The following TMED8 variants were observed in gnomAD, a reference collection of about 807,000 sequenced individuals.
The protein encoded by TMED8 is protein TMED8.
A neutral mutation model predicts 32.7 loss-of-function variants in TMED8; 15 were observed. The ratio of observed to expected loss-of-function variants is 0.46; its 90% confidence interval spans 0.31 to 0.71. The LOEUF is 0.71. TMED8 is among the 30% of genes least tolerant of loss of function. The probability of loss-of-function intolerance (pLI) is 0.06; values close to 1 mark genes in which losing one functional copy is unlikely to be tolerated. For synonymous variants in TMED8, 147 were observed against 161.4 expected, an observed-to-expected ratio of 0.91 and a Z score of 0.68; for missense variants, 390 against 423.9, an observed-to-expected ratio of 0.92 and a Z score of 0.70.
At position 77,340,080 on chromosome 14, in the gene TMED8, G is replaced by A. The variant is rs998788316; in HGVS notation, c.*1691C>T. The A allele has an allele frequency of 6.6e-6, 1 of 152,152 alleles. No individual in the cohort carries two copies. The highest frequency in any genetic ancestry group is 2.4e-5 in the African/African-American group (1 of 41,428). 9.4% of individuals were successfully genotyped at this position (152,152 alleles called of 1,614,324 possible). On this transcript the variant is annotated 3_prime_UTR_variant, in exon 6 of 6. Coordinates refer to ENST00000216468, the MANE Select transcript of TMED8 (RefSeq NM_213601.3). ...TCACGGGATATCTCTGATTGGTTAGGGAATTCCTCTGCACTCAATCTCCAG... is the reference window on the plus strand; with the variant it reads ...TCACGGGATATCTCTGATTGGTTAGAGAATTCCTCTGCACTCAATCTCCAG...
At chr14:77,366,565 T>G (rs1893556782) in intron 1 of TMED8, among the ~76,000 whole-genome samples, 1 of 152,206 alleles carries the variant, frequency 6.6e-6, no homozygotes, top group African/African-American at 2.4e-5. Context: ...ATATGGCTTG[T>G]AAAAAGAACT....
intron 1 of TMED8, among the ~76,000 whole-genome samples, chr14:77,363,413 G>A (rs557092398): frequency 6.6e-5 from 10 of 152,250 alleles, no homozygotes; most frequent in African/African-American, 1.7e-4. Flanking sequence ...AGACAAAAGA[G>A]AATGGAAATA....
chr14:77,360,085 G>A (rs1218839596), intron 1 of TMED8, among the ~76,000 whole-genome samples: 1 of 152,076 alleles, frequency 6.6e-6, no homozygotes, highest in Non-Finnish European at 1.5e-5. Flanking sequence ...ACATATAGAT[G>A]GTGAAATGGT....
intron 1 of TMED8, chr14:77,359,691 C>G: frequency 3.5e-6 from 1 of 286,548 alleles, no homozygotes; most frequent in Non-Finnish European, 6.9e-6. Context: ...TGGAGGCAAA[C>G]CATGGTTGTT....
Position 77,340,928 on chromosome 14 carries a change from A to G in TMED8, c.*843T>C, listed in dbSNP as rs532862180. The G allele has an allele frequency of 1.4e-3, 147 of 107,528 alleles. 1 individual carries two copies. Among genetic ancestry groups the G allele is most frequent in the African/African-American group, 4.2e-3 (141 of 33,244 alleles). The allele number at this position is 107,528 out of a possible 1,614,324, so 6.7% of individuals were successfully genotyped here. ...ATGATACCATTCCTTCTTTGATTAT[A>G]CCAAAAAAAAAAAAAAAAGTAACAC... is the stretch of plus-strand genomic sequence containing the variant. On this transcript the variant is annotated 3_prime_UTR_variant, in exon 6 of 6. Transcript: ENST00000216468.
intron 2 of TMED8, among the ~76,000 whole-genome samples, chr14:77,351,411 A>ATTTTTTTTTTTTTTTT (rs1181134385): frequency 2.0e-5 from 2 of 102,132 alleles, no homozygotes; most frequent in African/African-American, 4.2e-5. Flanking sequence ...CGCCCCGCTA[A>ATTTTTTTTTTTTTTTT]TTTTTTTTTT....
intron 1 of TMED8, among the ~76,000 whole-genome samples, chr14:77,354,365 A>G (rs1893244553): frequency 1.3e-5 from 2 of 152,214 alleles, no homozygotes; most frequent in Admixed American, 1.3e-4. Context: ...GACTTTTGGA[A>G]AATAATTGAT....
At position 77,351,548 on chromosome 14, in the gene TMED8, A is replaced by T. The variant is rs1253397955; in HGVS notation, c.197+125T>A. The T allele has an allele frequency of 1.2e-5, 10 of 832,030 alleles. No homozygotes were observed. The East Asian group carries it at 2.7e-4, about 23-fold the overall frequency. 51.5% of individuals were successfully genotyped at this position (832,030 alleles called of 1,614,324 possible). On this transcript the variant is annotated intron_variant, in intron 2 of 5. Coordinates refer to ENST00000216468, the MANE Select transcript of TMED8 (RefSeq NM_213601.3). ...AGTGCTGGGATTACAGGCGTGAGCC[A>T]CTGCGCCCGGCCCACATTCTTTACT...
Position 77,335,101 on chromosome 14 carries a change from C to G in TMED8, c.*6670G>C, listed in dbSNP as rs1449132606. Reference sequence around the variant, plus strand: ...GATGACAAAGAATGCACAAAAGCATCACAAAACTGTTACCTAATATAAAAC... The same window carrying G: ...GATGACAAAGAATGCACAAAAGCATGACAAAACTGTTACCTAATATAAAAC... On this transcript the variant is annotated 3_prime_UTR_variant, in exon 6 of 6. Coordinates refer to ENST00000216468, the MANE Select transcript of TMED8 (RefSeq NM_213601.3). The G allele has an allele frequency of 1.9e-4, 29 of 152,158 alleles. No individual in the cohort carries two copies. The highest frequency in any genetic ancestry group is 1.5e-5 in the Non-Finnish European group (1 of 68,022). 9.4% of individuals were successfully genotyped at this position (152,158 alleles called of 1,614,324 possible). A position where few individuals can be genotyped will look rare whatever the true frequency, so the allele number is the denominator to read the frequency against.
rs1021803570 is a variant in TMED8, at chr14:77,339,005, A to G, written c.*2766T>C. ...GTTTGTTACTATTTGTTTGTGCTCT[A>G]GAGAACAGGGTGAGGATCAAAGCAA... On this transcript the variant is annotated 3_prime_UTR_variant, in exon 6 of 6. Transcript: ENST00000216468. 6.6e-6 allele frequency: 1 copy of G among 152,222 alleles called. No homozygotes were observed. The highest frequency in any genetic ancestry group is 6.5e-5 in the Admixed American group (1 of 15,284). The allele number at this position is 152,222 out of a possible 1,614,324, so 9.4% of individuals were successfully genotyped here.
chr14:77,374,479 C>T (rs1893768767), intron 1 of TMED8, among the ~76,000 whole-genome samples: 1 of 152,258 alleles, frequency 6.6e-6, no homozygotes. Flanking sequence ...TCAGCAATAG[C>T]TGCCACCAGT....
intron 2 of TMED8, among the ~76,000 whole-genome samples, chr14:77,347,640 G>T (rs966177606): frequency 6.6e-6 from 1 of 152,174 alleles, no homozygotes; most frequent in African/African-American, 2.4e-5. Context: ...CCCGACCTCA[G>T]GTGATCTGCC....
Position 77,340,110 on chromosome 14 carries a change from T to C in TMED8, c.*1661A>G, listed in dbSNP as rs1408700126. 1.3e-5 allele frequency: 2 copies of C among 152,184 alleles called. No individual in the cohort carries two copies. The highest frequency in any genetic ancestry group is 6.5e-5 in the Admixed American group (1 of 15,282). The allele number at this position is 152,184 out of a possible 1,614,324, so 9.4% of individuals were successfully genotyped here. A position where few individuals can be genotyped will look rare whatever the true frequency, so the allele number is the denominator to read the frequency against. On this transcript the variant is annotated 3_prime_UTR_variant, in exon 6 of 6. Coordinates refer to ENST00000216468, the MANE Select transcript of TMED8 (RefSeq NM_213601.3). ...TCCTCTGCACTCAATCTCCAGCAAA[T>C]GGGCAGATTCCCTCACAACTTAGAA...
At chr14:77,368,507 T>C (rs1014284616) in intron 1 of TMED8, among the ~76,000 whole-genome samples, 2 of 152,196 alleles carry the variant, frequency 1.3e-5, no homozygotes, top group Non-Finnish European at 2.9e-5. Context: ...AGACGGAGTC[T>C]CACTCTGTCA....
At chr14:77,373,302 T>TA (rs373245599) in intron 1 of TMED8, among the ~76,000 whole-genome samples, 2,724 of 143,746 alleles carry the variant, frequency 0.019, 45 homozygotes, top group Middle Eastern at 0.077. Flanking sequence ...CCTTTAAACT[T>TA]AAAAAAAAAA....
chr14:77,366,570 A>G (rs1893556840), intron 1 of TMED8, among the ~76,000 whole-genome samples: 1 of 152,226 alleles, frequency 6.6e-6, no homozygotes. Context: ...GCTTGTAAAA[A>G]GAACTCTGAC....
At chr14:77,346,767 T>TG (rs1301896186) in intron 2 of TMED8, among the ~76,000 whole-genome samples, 2 of 138,742 alleles carry the variant, frequency 1.4e-5, no homozygotes, top group Admixed American at 7.0e-5. Flanking sequence ...CTGGTTTTTT[T>TG]TTTTTTTTTT....
At chr14:77,365,921 G>A (rs919591131) in intron 1 of TMED8, among the ~76,000 whole-genome samples, 1 of 152,112 alleles carries the variant, frequency 6.6e-6, no homozygotes, top group African/African-American at 2.4e-5. Flanking sequence ...AAGTCCATGA[G>A]AGAGAGAAAG....
In TMED8 at chr14:77,336,458, G is replaced by A; in HGVS notation, c.*5313C>T. On this transcript the variant is annotated 3_prime_UTR_variant, in exon 6 of 6. Transcript: ENST00000216468. Reference sequence around the variant, plus strand: ...TTTGTAAATGAGCTCCACTATCATTGGTTTTAGGCAATAGTGTTTTCTTAG... The same window carrying A: ...TTTGTAAATGAGCTCCACTATCATTAGTTTTAGGCAATAGTGTTTTCTTAG... The A allele has an allele frequency of 6.6e-6, 1 of 152,078 alleles. No homozygotes were observed. Among genetic ancestry groups the A allele is most frequent in the East Asian group, 1.9e-4 (1 of 5,190 alleles). 9.4% of individuals were successfully genotyped at this position (152,078 alleles called of 1,614,324 possible). A position where few individuals can be genotyped will look rare whatever the true frequency, so the allele number is the denominator to read the frequency against.
Sources: gnomAD v4.1 joint callset for allele counts (sites outside exome capture counted in the v4.1 genomes callset) on GRCh38, gnomAD v4.1.1 for gene constraint, MANE v1.5 for transcripts, NCBI Gene and HGNC (gene_info 2026-07-23, HGNC 2026-07-21) for gene names.